CPNE4: variants seen among roughly 807,000 people sequenced by gnomAD.
CPNE4 encodes copine-4.
In CPNE4, 25 loss-of-function variants were observed where a neutral mutation model predicts 67.9. The ratio of observed to expected loss-of-function variants is 0.37; its 90% CI spans 0.27 to 0.51. CPNE4 has a LOEUF of 0.51. Among genes scored for constraint, CPNE4 ranks in the 20% least tolerant of loss-of-function variants. The pLI, the probability that CPNE4 is intolerant of heterozygous loss-of-function variation, is 0.93. For synonymous variants in CPNE4, 242 were observed against 244.9 expected (o/e 0.99, Z 0.11); for missense variants, 464 against 690.8 (o/e 0.67, Z 3.68).
intron 2 of CPNE4, among the ~76,000 whole-genome samples, chr3:131,747,743 A>AT (rs1361025256): frequency 2.0e-5 from 3 of 152,088 alleles, no homozygotes; most frequent in Non-Finnish European, 2.9e-5. Context: ...TCATTCTAGA[A>AT]TTTTTTTGGT....
At chr3:131,761,878 C>T (rs900082143) in intron 2 of CPNE4, among the ~76,000 whole-genome samples, 1 of 152,018 alleles carries the variant, frequency 6.6e-6, no homozygotes, top group African/African-American at 2.4e-5. Flanking sequence ...GAGATAAAAC[C>T]CTGCATTAGC....
At chr3:131,728,557 C>T (rs1190799042) in intron 2 of CPNE4, among the ~76,000 whole-genome samples, 1 of 152,048 alleles carries the variant, frequency 6.6e-6, no homozygotes, top group East Asian at 1.9e-4. Context: ...CTCTGGAGAT[C>T]TGATTTATCC....
rs377599649 is a variant in CPNE4, at chr3:131,774,243, G to C, written c.181-50618C>G. ...TGGCCTTTTGTCAGTGACTGATTTAGAGATGAGGCTCTATCTAGTTCCAGC... is the reference window on the plus strand; with the variant it reads ...TGGCCTTTTGTCAGTGACTGATTTACAGATGAGGCTCTATCTAGTTCCAGC... On this transcript the variant is annotated intron_variant, in intron 2 of 15. Transcript: ENST00000429747. Among the ~76,000 whole-genome samples, 22 of 151,968 alleles carry C rather than the reference G, an allele frequency of 1.4e-4. 1 individual carries two copies. In the East Asian group the frequency reaches 2.9e-3, roughly 20 times the overall value.
chr3:131,708,536 T>C (rs902793504), intron 3 of CPNE4, among the ~76,000 whole-genome samples: 1 of 152,084 alleles, frequency 6.6e-6, no homozygotes, highest in Non-Finnish European at 1.5e-5. Context: ...TGAGGCAGTC[T>C]TCCAAGCTGA....
At chr3:131,989,407 A>ACTTCTCATAT (rs2073126142) in intron 1 of CPNE4, among the ~76,000 whole-genome samples, 2 of 138,620 alleles carry the variant, frequency 1.4e-5, no homozygotes, top group Admixed American at 7.9e-5. Flanking sequence ...CTCATCAAAC[A>ACTTCTCATAT]CTGTAGGTGA....
Position 131,604,756 on chromosome 3 carries a change from A to AT in CPNE4, c.682-17175_682-17174insA, listed in dbSNP as rs1384056309. 2.7e-5 allele frequency among the ~76,000 whole-genome samples: 4 copies of AT among 148,568 alleles called. No individual in the cohort carries two copies. In the East Asian group the frequency reaches 5.9e-4, roughly 22 times the overall value. On this transcript the variant is annotated intron_variant, in intron 7 of 15. Coordinates refer to ENST00000429747, the MANE Select transcript of CPNE4 (RefSeq NM_130808.3). The stretch of plus-strand genomic sequence containing the variant: ...GTGATTGGGTGAGTTAATACTTAAT[A>AT]AACTCCCCTTTATATATATATATCT...
At chr3:131,818,777 C>A (rs952529345) in intron 2 of CPNE4, among the ~76,000 whole-genome samples, 1 of 152,174 alleles carries the variant, frequency 6.6e-6, no homozygotes, top group Non-Finnish European at 1.5e-5. Flanking sequence ...TGAATCCTGA[C>A]ATGACCTGCC....
At chr3:131,920,834 A>C (rs2070723051) in intron 1 of CPNE4, among the ~76,000 whole-genome samples, 1 of 152,092 alleles carries the variant, frequency 6.6e-6, no homozygotes, top group African/African-American at 2.4e-5. Flanking sequence ...GACTCCAAGC[A>C]TTTCATCTAG....
chr3:131,739,605 C>A (rs540981288), intron 2 of CPNE4, among the ~76,000 whole-genome samples: 34 of 152,294 alleles, frequency 2.2e-4, no homozygotes, highest in Non-Finnish European at 4.7e-4. Flanking sequence ...GAAGAAACAA[C>A]TAACATGGAA....
intron 3 of CPNE4, among the ~76,000 whole-genome samples, chr3:131,720,317 C>T (rs1347117697): frequency 7.2e-6 from 1 of 138,892 alleles, no homozygotes; most frequent in African/African-American, 2.7e-5. Flanking sequence ...GACGGAGTCT[C>T]ACTGTCACCC....
intron 2 of CPNE4, among the ~76,000 whole-genome samples, chr3:131,746,673 T>C (rs2082497242): frequency 6.6e-6 from 1 of 152,196 alleles, no homozygotes. Context: ...ATTCATCTGT[T>C]GATGGACATT....
At chr3:131,977,386 C>T (rs1383335796) in intron 1 of CPNE4, among the ~76,000 whole-genome samples, 1 of 152,136 alleles carries the variant, frequency 6.6e-6, no homozygotes, top group African/African-American at 2.4e-5. Context: ...TATGACAGCA[C>T]CTTCTCCTTT....
In CPNE4 at chr3:131,551,435, A is replaced by T. The variant is rs115971936; in HGVS notation, c.1168+1005T>A. Among the ~76,000 whole-genome samples, 560 of 152,196 alleles carry T rather than the reference A, an allele frequency of 3.7e-3. 2 individuals are homozygous for T. Among genetic ancestry groups the T allele is most frequent in the African/African-American group, 0.012 (514 of 41,546 alleles). ...GGCAGATGAATTCTAAGAGTATAAAACAGGTGAATACCAGGGTTTATATTT... is the reference window on the plus strand; with the variant it reads ...GGCAGATGAATTCTAAGAGTATAAATCAGGTGAATACCAGGGTTTATATTT... On this transcript the variant is annotated intron_variant, in intron 13 of 15. Coordinates refer to ENST00000429747, the MANE Select transcript of CPNE4 (RefSeq NM_130808.3).
intron 2 of CPNE4, among the ~76,000 whole-genome samples, chr3:131,762,580 A>G (rs373835858): frequency 6.6e-6 from 1 of 152,206 alleles, no homozygotes; most frequent in African/African-American, 2.4e-5. Context: ...GAGAGAAAAA[A>G]AACGTAGATT....
chr3:131,588,324 G>A (rs1233173210), intron 7 of CPNE4, among the ~76,000 whole-genome samples: 1 of 152,278 alleles, frequency 6.6e-6, no homozygotes, highest in Admixed American at 6.5e-5. Flanking sequence ...CCCTGTGCTT[G>A]GTCACACATC....
chr3:131,955,077 G>T (rs1157232458), intron 1 of CPNE4, among the ~76,000 whole-genome samples: 2 of 147,848 alleles, frequency 1.4e-5, no homozygotes, highest in African/African-American at 4.9e-5. Context: ...TAACCATATG[G>T]TTAAGTTCTG....
At chr3:131,885,539 TTTTA>T (rs1439852947) in intron 2 of CPNE4, among the ~76,000 whole-genome samples, 7 of 151,740 alleles carry the variant, frequency 4.6e-5, no homozygotes, top group Non-Finnish European at 8.8e-5. Context: ...TTTTTAATTT[TTTTA>T]TTTTTTTATT....
intron 2 of CPNE4, among the ~76,000 whole-genome samples, chr3:131,778,107 C>T (rs781273327): frequency 1.9e-4 from 29 of 152,088 alleles, no homozygotes; most frequent in Non-Finnish European, 3.1e-4. Flanking sequence ...GATTAGCATT[C>T]GACTCTGAAC....
At chr3:131,587,183 G>A (rs1938235291) in intron 8 of CPNE4, among the ~76,000 whole-genome samples, 1 of 152,190 alleles carries the variant, frequency 6.6e-6, no homozygotes, top group Admixed American at 6.5e-5. Context: ...ATGAGGCATG[G>A]AGAGATTAAG....
Sources: gnomAD v4.1 joint callset for allele counts (sites outside exome capture counted in the v4.1 genomes callset) on GRCh38, gnomAD v4.1.1 for gene constraint, MANE v1.5 for transcripts, NCBI Gene and HGNC (gene_info 2026-07-23, HGNC 2026-07-21) for gene names.